Variants in DCLK3 observed in about 807,000 individuals in gnomAD.
DCLK3 encodes the protein doublecortin like kinase 3, also known as serine/threonine-protein kinase DCLK3.
DCLK3 carries 30 observed loss-of-function variants against 46.4 expected under a neutral mutation model. That is an observed-to-expected ratio of 0.65 (90% CI 0.48 to 0.88). The LOEUF is 0.88. Among genes scored for constraint, DCLK3 ranks in the 40% least tolerant of loss-of-function variants. DCLK3 has a pLI of 0.00. For synonymous variants in DCLK3, 401 were observed against 339.2 expected (o/e 1.18, Z -2.00); for missense variants, 846 against 907.1 (o/e 0.93, Z 0.87).
intron 4 of DCLK3, among the ~76,000 whole-genome samples, chr3:36,716,089 C>A (rs1410794494): frequency 6.6e-6 from 1 of 152,136 alleles, no homozygotes; most frequent in Non-Finnish European, 1.5e-5. Flanking sequence ...GTAAATAGTG[C>A]AAATTCAAAA....
At chr3:36,739,627 TCC>T (rs1559392069) in intron 1 of DCLK3, among the ~76,000 whole-genome samples, 1 of 152,324 alleles carries the variant, frequency 6.6e-6, no homozygotes, top group African/African-American at 2.4e-5. Context: ...TTGTGAGGCT[TCC>T]CCAGCCACGT....
Position 36,737,595 on chromosome 3 carries a change from A to T in DCLK3, c.1572T>A (p.His524Gln). Residue 524 changes from histidine (H) to glutamine (Q), a missense_variant, in exon 2 of 5, where the codon CAT (histidine) becomes CAA (glutamine). This residue lies in a region of DCLK3 where 553 missense variants were observed against 543.0 expected (regional missense o/e 1.02). Transcript: ENST00000636136. This position sits in a 1 kb window ranked among gnomAD's most constrained non-coding sequence, Gnocchi z 4.4. The part of the protein sequence containing the change: ...MGIIAANVEK[H>Q]YETGRVIGDG... ...CCCCAATGACCCGGCCAGTCTCATA[A>T]TGCTTTTCCACATTGGCGGCAATGA... 2 of 1,614,100 alleles carry T rather than the reference A, an allele frequency of 1.2e-6. No individual in the cohort carries two copies. Among genetic ancestry groups the T allele is most frequent in the Non-Finnish European group, 1.7e-6 (2 of 1,180,014 alleles).
At chr3:36,739,960 A>G (rs906496029) in intron 1 of DCLK3, 16 of 152,066 alleles carry the variant, frequency 1.1e-4, no homozygotes, top group African/African-American at 3.9e-4. Flanking sequence ...AATCTTACCC[A>G]TCTCTTTGCC....
intron 2 of DCLK3, among the ~76,000 whole-genome samples, chr3:36,723,152 T>A (rs2125522702): frequency 6.6e-6 from 1 of 152,328 alleles, no homozygotes; most frequent in Admixed American, 6.5e-5. Flanking sequence ...TTGCTACATT[T>A]TAGCAGAGAC....
intron 2 of DCLK3, among the ~76,000 whole-genome samples, chr3:36,736,916 T>C (rs1485208910): frequency 2.0e-5 from 3 of 152,172 alleles, no homozygotes; most frequent in Non-Finnish European, 4.4e-5. Flanking sequence ...GCCAAGAAAT[T>C]AAGTCCACGT....
At chr3:36,736,760 T>C (rs1190375288) in intron 2 of DCLK3, among the ~76,000 whole-genome samples, 1 of 152,186 alleles carries the variant, frequency 6.6e-6, no homozygotes, top group East Asian at 1.9e-4. Flanking sequence ...CACAGACCCT[T>C]ACAGTGCTGC....
chr3:36,719,663 A>G lies in DCLK3; in HGVS notation c.2093-1486T>C, dbSNP rs187691911. On this transcript the variant is annotated intron_variant, in intron 3 of 4. Transcript: ENST00000636136. ...GGCATCACCAAGGAGCCCATTATCA[A>G]CCATCTCTGTGTTGAGGAGTCTCAA... Among the ~76,000 whole-genome samples the G allele has an allele frequency of 6.6e-4, 101 of 152,254 alleles. 1 individual carries two copies. The highest frequency in any genetic ancestry group is 3.4e-3 in the Middle Eastern group (1 of 294).
chr3:36,762,607 C>T (rs1320395311), intron 1 of DCLK3, among the ~76,000 whole-genome samples: 1 of 152,130 alleles, frequency 6.6e-6, no homozygotes, highest in African/African-American at 2.4e-5. Context: ...TGAGGAGGGG[C>T]TGCCCCAGGG....
At chr3:36,736,565 T>C (rs1293730987) in intron 2 of DCLK3, among the ~76,000 whole-genome samples, 1 of 152,182 alleles carries the variant, frequency 6.6e-6, no homozygotes, top group African/African-American at 2.4e-5. Context: ...GGGTTGCTTT[T>C]CTTTTTCCCA....
At position 36,721,577 on chromosome 3, in the gene DCLK3, G is replaced by GTAAA; in HGVS notation, c.2038_2041dup (p.Thr681IlefsTer17). On this transcript the variant is annotated frameshift_variant, in exon 3 of 5. Coordinates refer to ENST00000636136, the MANE Select transcript of DCLK3 (RefSeq NM_001394672.2). LOFTEE classifies it high-confidence loss of function. ...TACGTAAGTTGGGGTCCCACACACA[G>GTAAA]TAAATATAGGTCTCACCACATGCTT... 1 of 1,614,180 alleles carries GTAAA rather than the reference G, an allele frequency of 6.2e-7. No homozygotes were observed. Among genetic ancestry groups the GTAAA allele is most frequent in the Non-Finnish European group, 8.5e-7 (1 of 1,180,010 alleles).
chr3:36,753,121 T>A (rs111466513), intron 1 of DCLK3, among the ~76,000 whole-genome samples: 91 of 152,320 alleles, frequency 6.0e-4, no homozygotes, highest in African/African-American at 2.1e-3. Context: ...GGTAGTTAAT[T>A]GTAGGTTAAA....
chr3:36,759,248 T>C (rs193148244), intron 1 of DCLK3, among the ~76,000 whole-genome samples: 40 of 152,334 alleles, frequency 2.6e-4, no homozygotes, highest in Admixed American at 8.5e-4. Flanking sequence ...TCTCTGACTT[T>C]TTCTTCCATC....
chr3:36,747,298 A>C (rs1701401837), intron 1 of DCLK3, among the ~76,000 whole-genome samples: 2 of 152,282 alleles, frequency 1.3e-5, no homozygotes, highest in South Asian at 4.2e-4. Flanking sequence ...TATGCATATA[A>C]GGGCCTCACA....
intron 1 of DCLK3, among the ~76,000 whole-genome samples, chr3:36,745,730 A>C (rs1008172303): frequency 6.6e-6 from 1 of 152,242 alleles, no homozygotes; most frequent in Non-Finnish European, 1.5e-5. Flanking sequence ...TTTTCACTGC[A>C]TAATCATTTG....
In DCLK3 at chr3:36,764,095, G is replaced by T; in HGVS notation, c.82+87C>A. 1 of 264,906 alleles carries T rather than the reference G, an allele frequency of 3.8e-6. No homozygotes were observed. Among genetic ancestry groups the T allele is most frequent in the Admixed American group, 5.4e-5 (1 of 18,390 alleles). The allele number at this position is 264,906 out of a possible 1,614,324, so 16.4% of individuals were successfully genotyped here. On this transcript the variant is annotated intron_variant, in intron 1 of 4. Coordinates refer to ENST00000636136, the MANE Select transcript of DCLK3 (RefSeq NM_001394672.2). The surrounding 1 kb of genome is among the most constrained non-coding windows in gnomAD (Gnocchi z 4.9). ...ACTGCTGCTACATCCCGCACGGAGC[G>T]GGGTCCAGAGTTAGGGCGAATGAGT...
chr3:36,762,077 C>T (rs1701544885), intron 1 of DCLK3, among the ~76,000 whole-genome samples: 1 of 152,150 alleles, frequency 6.6e-6, no homozygotes. Context: ...AGCACCACGC[C>T]ACCATGATCA....
At chr3:36,720,641 A>G (rs1007537790) in intron 3 of DCLK3, among the ~76,000 whole-genome samples, 4 of 152,026 alleles carry the variant, frequency 2.6e-5, no homozygotes, top group Admixed American at 2.6e-4. Context: ...AGTAGCTCAG[A>G]TTACAGGCAT....
Position 36,737,561 on chromosome 3 carries a change from A to G in DCLK3, c.1606T>C (p.Phe536Leu). 1 of 1,614,104 alleles carries G rather than the reference A, an allele frequency of 6.2e-7. No homozygotes were observed. Among genetic ancestry groups the G allele is most frequent in the Non-Finnish European group, 8.5e-7 (1 of 1,180,022 alleles). The change falls in exon 2 of 5, where the codon TTT becomes CTT. Residue 536 changes from phenylalanine (F) to leucine (L), a missense_variant. Transcript: ENST00000636136. The surrounding 1 kb of genome is among the most constrained non-coding windows in gnomAD (Gnocchi z 4.4). ...TGTCTGCACTCCTTCACGACAGCAAAGTTCCCATCCCCAATGACCCGGCCA... is the reference window on the plus strand; with the variant it reads ...TGTCTGCACTCCTTCACGACAGCAAGGTTCCCATCCCCAATGACCCGGCCA... ...ETGRVIGDGN[F>L]AVVKECRHRE...
chr3:36,718,301 C>T, intron 3 of DCLK3, 124 bp from the exon 4 acceptor site: 1 of 1,319,976 alleles, frequency 7.6e-7, no homozygotes, highest in Non-Finnish European at 1.0e-6. Context: ...CAGCTCTCAG[C>T]AACCAAGAGC....
Sources: allele counts gnomAD v4.1 joint callset (sites outside exome capture counted in the v4.1 genomes callset), GRCh38; gene constraint gnomAD v4.1.1; regional missense constraint gnomAD v4.1.1; non-coding constraint Gnocchi (gnomAD v3.1); transcripts MANE v1.5; gene names NCBI Gene and HGNC (gene_info 2026-07-23, HGNC 2026-07-21).